EPB41L4A: variants seen among roughly 807,000 people sequenced by gnomAD.
EPB41L4A encodes the protein band 4.1-like protein 4A.
A neutral mutation model predicts 108.6 loss-of-function variants in EPB41L4A; 100 were observed. The observed-to-expected ratio is 0.92, with a 90% CI of 0.78 to 1.09. The LOEUF (loss-of-function observed/expected upper bound fraction) is 1.09. Among genes scored for constraint, EPB41L4A ranks in the 50% least tolerant of loss-of-function variants. The pLI is 0.00. For synonymous variants in EPB41L4A, 319 were observed against 289.0 expected (o/e 1.10, Z -1.05); for missense variants, 1,030 against 842.7 (o/e 1.22, Z -2.75).
At chr5:112,186,032 C>T (rs911471741) in intron 17 of EPB41L4A, among the ~76,000 whole-genome samples, 1 of 152,118 alleles carries the variant, frequency 6.6e-6, no homozygotes, top group Non-Finnish European at 1.5e-5. Context: ...GGTGGCATCT[C>T]CCTTCCTACA....
intron 12 of EPB41L4A, among the ~76,000 whole-genome samples, chr5:112,147,525 A>C (rs531848136): frequency 6.6e-6 from 1 of 151,930 alleles, no homozygotes; most frequent in Non-Finnish European, 1.5e-5. Flanking sequence ...CTGTGGTCTC[A>C]GCTACTTGGG....
intron 1 of EPB41L4A, among the ~76,000 whole-genome samples, chr5:112,396,957 C>G (rs1761394513): frequency 2.0e-5 from 3 of 152,128 alleles, no homozygotes; most frequent in Admixed American, 2.0e-4. Flanking sequence ...ATTTTAAATT[C>G]AGTAGGTACA....
At chr5:112,255,327 T>C (rs148057965) in intron 9 of EPB41L4A, among the ~76,000 whole-genome samples, 2 of 152,302 alleles carry the variant, frequency 1.3e-5, no homozygotes, top group African/African-American at 4.8e-5. Context: ...TATGCATCAA[T>C]TTATTTGTTC....
chr5:112,200,862 G>A (rs527656079), intron 15 of EPB41L4A, among the ~76,000 whole-genome samples: 2 of 152,060 alleles, frequency 1.3e-5, no homozygotes, highest in South Asian at 2.1e-4. Context: ...TTCTGGACTC[G>A]GCCAGAATTT....
intron 7 of EPB41L4A, among the ~76,000 whole-genome samples, chr5:112,261,813 G>A (rs771644149): frequency 6.7e-6 from 1 of 150,254 alleles, no homozygotes. Context: ...TTGTATTTAT[G>A]TTTTGCTGCC....
intron 1 of EPB41L4A, among the ~76,000 whole-genome samples, chr5:112,396,465 G>C (rs368763491): frequency 2.6e-5 from 4 of 152,128 alleles, no homozygotes; most frequent in Admixed American, 6.5e-5. Context: ...ACCCCAAAAC[G>C]TAATGGTTTA....
intron 1 of EPB41L4A, among the ~76,000 whole-genome samples, chr5:112,402,540 T>C (rs1417996325): frequency 6.6e-6 from 1 of 151,802 alleles, no homozygotes; most frequent in African/African-American, 2.4e-5. Flanking sequence ...ATACTAAAAT[T>C]GGAATATACA....
At chr5:112,315,183 G>A (rs1755350536) in intron 1 of EPB41L4A, among the ~76,000 whole-genome samples, 2 of 152,132 alleles carry the variant, frequency 1.3e-5, no homozygotes, top group South Asian at 2.1e-4. Context: ...CATAAAGCCT[G>A]TCCAAATCCT....
At chr5:112,192,550 G>A (rs750364282) in intron 17 of EPB41L4A, among the ~76,000 whole-genome samples, 6 of 152,120 alleles carry the variant, frequency 3.9e-5, no homozygotes, top group Non-Finnish European at 7.4e-5. Flanking sequence ...TAAACATTCA[G>A]AATCACCGTT....
At chr5:112,345,442 G>C (rs1006340315) in intron 1 of EPB41L4A, among the ~76,000 whole-genome samples, 2 of 151,816 alleles carry the variant, frequency 1.3e-5, no homozygotes, top group African/African-American at 2.4e-5. Flanking sequence ...TTTTAAAGTA[G>C]GCTGCAGTAT....
rs562860748 is a variant in EPB41L4A, at chr5:112,269,364, T to C, written c.336-3034A>G. Reference sequence around the variant, plus strand: ...GTAGAGTCATAAGGCAAATTTGTGATAAAGTAAAATCATATTTTCATATGT... The same window carrying C: ...GTAGAGTCATAAGGCAAATTTGTGACAAAGTAAAATCATATTTTCATATGT... On this transcript the variant is annotated intron_variant, in intron 4 of 22. Coordinates refer to ENST00000261486, the MANE Select transcript of EPB41L4A (RefSeq NM_022140.5). 4.6e-5 allele frequency among the ~76,000 whole-genome samples: 7 copies of C among 152,308 alleles called. No homozygotes were observed. In the South Asian group the frequency reaches 1.0e-3, roughly 23 times the overall value.
chr5:112,357,399 AG>A (rs1279912685), intron 1 of EPB41L4A, among the ~76,000 whole-genome samples: 1 of 152,228 alleles, frequency 6.6e-6, no homozygotes, highest in African/African-American at 2.4e-5. Flanking sequence ...ATTGGGCTCA[AG>A]CCAATATACA....
At chr5:112,184,198 C>T (rs1761312246) in intron 17 of EPB41L4A, 63 bp from the exon 18 acceptor site, 41 of 1,571,028 alleles carry the variant, frequency 2.6e-5, no homozygotes, top group Non-Finnish European at 3.4e-5. Flanking sequence ...TAGGTTCATC[C>T]TAAACTTGCT....
chr5:112,153,718 G>GA (rs1561431417), intron 12 of EPB41L4A, among the ~76,000 whole-genome samples: 1 of 151,258 alleles, frequency 6.6e-6, no homozygotes, highest in Non-Finnish European at 1.5e-5. Flanking sequence ...TAGAAGATTG[G>GA]AATAATATGG....
downstream of EPB41L4A, chr5:112,161,840 C>T (rs1274739777): frequency 6.8e-6 from 2 of 294,288 alleles, no homozygotes; most frequent in East Asian, 1.8e-4. Context: ...ATTGGGGTTC[C>T]TTCTCTAGTG....
At position 112,259,887 on chromosome 5, in the gene EPB41L4A, C is replaced by T. The variant is rs550299605; in HGVS notation, c.731+4G>A. On this transcript the variant is annotated splice_donor_region_variant and intron_variant, in intron 8 of 22. Transcript: ENST00000261486. ...TGCCAACTCTGTTCTCAAGCCATAC[C>T]TACCAGAAATACTTCCCCACTTGCT... is the stretch of plus-strand genomic sequence containing the variant. The T allele has an allele frequency of 2.1e-5, 34 of 1,611,394 alleles. No homozygotes were observed. The East Asian group carries it at 7.1e-4, about 34-fold the overall frequency.
chr5:112,194,139 T>C (rs577249011), intron 17 of EPB41L4A, among the ~76,000 whole-genome samples: 9 of 129,720 alleles, frequency 6.9e-5, no homozygotes, highest in Non-Finnish European at 1.2e-4. Flanking sequence ...ATTATTAGCA[T>C]ATATATATAT....
intron 18 of EPB41L4A, among the ~76,000 whole-genome samples, chr5:112,183,555 C>T (rs542107692): frequency 2.6e-5 from 4 of 152,300 alleles, no homozygotes; most frequent in South Asian, 2.1e-4. Flanking sequence ...AGGAGGAGCA[C>T]GCAAATTCCA....
intron 14 of EPB41L4A, 83 bp downstream of exon 14, chr5:112,205,338 C>T: frequency 8.6e-7 from 1 of 1,164,074 alleles, no homozygotes; most frequent in Admixed American, 1.7e-5. Context: ...AGCCACCCAG[C>T]AGCTGGATTC....
Sources: allele counts gnomAD v4.1 joint callset (sites outside exome capture counted in the v4.1 genomes callset), GRCh38; gene constraint gnomAD v4.1.1; transcripts MANE v1.5; gene names NCBI Gene and HGNC (gene_info 2026-07-23, HGNC 2026-07-21).